Variants in PCDH9 observed in about 807,000 individuals in gnomAD.
PCDH9 encodes protocadherin-9.
In PCDH9, 24 loss-of-function variants were observed where a neutral mutation model predicts 70.6. The ratio of observed to expected loss-of-function variants is 0.34; its 90% CI spans 0.25 to 0.48. PCDH9 has a LOEUF of 0.48. Ranked by LOEUF, PCDH9 falls within the 20% of genes least tolerant of loss-of-function variation. The probability of loss-of-function intolerance (pLI) is 0.99; values close to 1 mark genes in which losing one functional copy is unlikely to be tolerated. For missense variants in PCDH9, 1,281 were observed against 1,503.6 expected, an observed-to-expected ratio of 0.85 and a Z score of 2.45; for synonymous variants, 562 against 558.5, an observed-to-expected ratio of 1.01 and a Z score of -0.09.
At chr13:66,664,304 A>C (rs2078062300) in intron 3 of PCDH9, among the ~76,000 whole-genome samples, 1 of 152,216 alleles carries the variant, frequency 6.6e-6, no homozygotes. Flanking sequence ...TTTCCTTAAA[A>C]TAGCTTATAG....
chr13:66,998,904 C>T (rs981619938), intron 2 of PCDH9, among the ~76,000 whole-genome samples: 1 of 152,140 alleles, frequency 6.6e-6, no homozygotes, highest in African/African-American at 2.4e-5. Context: ...ATTATTAAGG[C>T]TCAATTAAAA....
At chr13:66,572,864 A>G (rs903922378) in intron 4 of PCDH9, among the ~76,000 whole-genome samples, 4 of 152,084 alleles carry the variant, frequency 2.6e-5, no homozygotes, top group African/African-American at 9.6e-5. Context: ...GGCTCAAGAG[A>G]TCCTCCTACC....
chr13:67,218,115 G>C (rs927079500), intron 2 of PCDH9: 1 of 151,948 alleles, frequency 6.6e-6, no homozygotes, highest in African/African-American at 2.4e-5. Context: ...ATTATACAAA[G>C]CTCTCTACTT....
At chr13:66,482,759 CT>C (rs1594048747) in intron 4 of PCDH9, among the ~76,000 whole-genome samples, 1 of 152,282 alleles carries the variant, frequency 6.6e-6, no homozygotes, top group South Asian at 2.1e-4. Flanking sequence ...CTGATCTCCC[CT>C]ATATTTGATT....
chr13:67,158,052 C>T (rs1345762774), intron 2 of PCDH9, among the ~76,000 whole-genome samples: 10 of 152,164 alleles, frequency 6.6e-5, no homozygotes, highest in Admixed American at 6.6e-4. Flanking sequence ...ATGTCAGAAT[C>T]TCACATTTTT....
At chr13:66,993,699 A>C (rs1048446708) in intron 2 of PCDH9, among the ~76,000 whole-genome samples, 4 of 152,232 alleles carry the variant, frequency 2.6e-5, no homozygotes, top group African/African-American at 9.7e-5. Flanking sequence ...GCTGTGAAAT[A>C]ATCTGGTAAG....
intron 4 of PCDH9, among the ~76,000 whole-genome samples, chr13:66,574,296 A>G (rs1254157708): frequency 1.3e-5 from 2 of 152,054 alleles, no homozygotes; most frequent in African/African-American, 2.4e-5. Flanking sequence ...AGTCTCCTCA[A>G]ATCTGTTTTG....
chr13:66,548,092 C>T (rs1431356753), intron 4 of PCDH9, among the ~76,000 whole-genome samples: 1 of 151,362 alleles, frequency 6.6e-6, no homozygotes, highest in Non-Finnish European at 1.5e-5. Context: ...CAATTTATAC[C>T]TTCATTGTGT....
intron 3 of PCDH9, among the ~76,000 whole-genome samples, chr13:66,709,789 G>A (rs2078767857): frequency 6.6e-6 from 1 of 152,070 alleles, no homozygotes; most frequent in South Asian, 2.1e-4. Context: ...TACAGAACAG[G>A]CAGGTTTAAT....
At chr13:66,395,119 C>A (rs1357997630) in intron 4 of PCDH9, among the ~76,000 whole-genome samples, 1 of 152,148 alleles carries the variant, frequency 6.6e-6, no homozygotes, top group African/African-American at 2.4e-5. Context: ...TACATGAGAA[C>A]AACTCTAATG....
chr13:66,906,155 C>T (rs1177962895), intron 2 of PCDH9, among the ~76,000 whole-genome samples: 3 of 152,082 alleles, frequency 2.0e-5, no homozygotes, highest in African/African-American at 7.2e-5. Context: ...ATGCAGACTG[C>T]TAAGGGACAG....
At chr13:67,156,856 C>T (rs1368782084) in intron 2 of PCDH9, among the ~76,000 whole-genome samples, 6 of 152,170 alleles carry the variant, frequency 3.9e-5, no homozygotes, top group African/African-American at 1.4e-4. Flanking sequence ...CGTCTGTATG[C>T]TCCTCTAGAG....
At chr13:66,478,645 T>G (rs1242218519) in intron 4 of PCDH9, among the ~76,000 whole-genome samples, 2 of 152,198 alleles carry the variant, frequency 1.3e-5, no homozygotes, top group East Asian at 3.9e-4. Context: ...AACTTTTCTT[T>G]AAGCCAAAAC....
chr13:66,824,651 G>GATATATATATATATATATAT (rs67211029), intron 3 of PCDH9, among the ~76,000 whole-genome samples: 1 of 99,078 alleles, frequency 1.0e-5, no homozygotes, highest in Non-Finnish European at 1.9e-5. Flanking sequence ...GCGAAACTCT[G>GATATATATATATATATATAT]ATATATATAT....
chr13:66,400,821 T>A (rs1347093739), intron 4 of PCDH9, among the ~76,000 whole-genome samples: 1 of 152,106 alleles, frequency 6.6e-6, no homozygotes, highest in Non-Finnish European at 1.5e-5. Context: ...TAGTGTAATA[T>A]CTAAGGAAAA....
chr13:66,599,985 A>G (rs759924754), intron 4 of PCDH9, among the ~76,000 whole-genome samples: 4 of 151,874 alleles, frequency 2.6e-5, no homozygotes. Context: ...ATGCTTGCAA[A>G]TGGCATATTA....
chr13:66,679,966 C>G (rs1208390494), intron 3 of PCDH9, among the ~76,000 whole-genome samples: 3 of 151,904 alleles, frequency 2.0e-5, no homozygotes, highest in Non-Finnish European at 4.4e-5. Flanking sequence ...TTTAATACTA[C>G]TAAAAAATTC....
At chr13:67,220,290 G>A (rs191124089) in intron 2 of PCDH9, 12 of 151,900 alleles carry the variant, frequency 7.9e-5, no homozygotes, top group East Asian at 3.9e-4. Flanking sequence ...AAAAGGATGC[G>A]TTACAATGCC....
At chr13:66,526,106 A>C (rs573741908) in intron 4 of PCDH9, among the ~76,000 whole-genome samples, 33 of 152,248 alleles carry the variant, frequency 2.2e-4, no homozygotes, top group African/African-American at 6.7e-4. Flanking sequence ...GATGCTCAAT[A>C]AAAATAAATA....
Sources: allele counts gnomAD v4.1 joint callset (sites outside exome capture counted in the v4.1 genomes callset), GRCh38; gene constraint gnomAD v4.1.1; transcripts MANE v1.5; gene names NCBI Gene and HGNC (gene_info 2026-07-23, HGNC 2026-07-21).